Variants in RPGRIP1L observed in about 807,000 individuals in gnomAD.
RPGRIP1L encodes RPGRIP1 like, also known as protein fantom.
RPGRIP1L carries 131 observed loss-of-function variants against 160.4 expected under a neutral mutation model. The ratio of observed to expected loss-of-function variants is 0.82; its 90% CI spans 0.71 to 0.94. The LOEUF (loss-of-function observed/expected upper bound fraction) is 0.94. Ranked by LOEUF, RPGRIP1L falls within the 40% of genes least tolerant of loss-of-function variation. The probability of loss-of-function intolerance (pLI) is 0.00; values close to 1 mark genes in which losing one functional copy is unlikely to be tolerated. For synonymous variants in RPGRIP1L, 510 were observed against 515.8 expected, an observed-to-expected ratio of 0.99 and a Z score of 0.15; for missense variants, 1,522 against 1,535.8, an observed-to-expected ratio of 0.99 and a Z score of 0.15.
intron 22 of RPGRIP1L, among the ~76,000 whole-genome samples, chr16:53,632,875 C>T (rs1965607834): frequency 6.6e-6 from 1 of 152,172 alleles, no homozygotes; most frequent in Admixed American, 6.5e-5. Flanking sequence ...ACCCCTCATG[C>T]TGACTTAGGG....
At chr16:53,620,112 A>G (rs1964614766) in intron 23 of RPGRIP1L, among the ~76,000 whole-genome samples, 1 of 152,290 alleles carries the variant, frequency 6.6e-6, no homozygotes, top group Admixed American at 6.5e-5. Flanking sequence ...TAATAATTAG[A>G]AAAACCTGAA....
At chr16:53,631,584 T>C (rs1965522779) in intron 22 of RPGRIP1L, among the ~76,000 whole-genome samples, 1 of 152,226 alleles carries the variant, frequency 6.6e-6, no homozygotes, top group Non-Finnish European at 1.5e-5. Flanking sequence ...AATGTTCAGT[T>C]TTGATGTCTG....
intron 17 of RPGRIP1L, among the ~76,000 whole-genome samples, chr16:53,644,475 C>T (rs1460833262): frequency 6.6e-6 from 1 of 152,118 alleles, no homozygotes; most frequent in Non-Finnish European, 1.5e-5. Flanking sequence ...TTACACTACA[C>T]ACAGGAAGCT....
chr16:53,660,723 T>A (rs1967713478), intron 10 of RPGRIP1L, among the ~76,000 whole-genome samples: 1 of 150,166 alleles, frequency 6.7e-6, no homozygotes, highest in Non-Finnish European at 1.5e-5. Flanking sequence ...GTGAACCCCG[T>A]CTCTACTAAA....
chr16:53,618,027 C>T (rs548215026), intron 24 of RPGRIP1L, among the ~76,000 whole-genome samples: 28 of 152,234 alleles, frequency 1.8e-4, no homozygotes, highest in Non-Finnish European at 7.4e-5. Flanking sequence ...TCATGGTAGC[C>T]TGATATTATT....
At chr16:53,617,027 G>T (rs1396320181) in intron 24 of RPGRIP1L, among the ~76,000 whole-genome samples, 1 of 131,492 alleles carries the variant, frequency 7.6e-6, no homozygotes, top group Non-Finnish European at 1.5e-5. Context: ...AGCCAAGATT[G>T]TGCCACTGCA....
chr16:53,640,920 A>G (rs1210747019), intron 19 of RPGRIP1L, 113 bp downstream of exon 19: 4 of 793,944 alleles, frequency 5.0e-6, no homozygotes, highest in Non-Finnish European at 8.5e-6. Context: ...ATGGGAAAAG[A>G]CATACTTTAT....
chr16:53,679,014 G>A (rs1969412532), intron 6 of RPGRIP1L, among the ~76,000 whole-genome samples: 1 of 152,188 alleles, frequency 6.6e-6, no homozygotes, highest in Admixed American at 6.5e-5. Context: ...GCTGAGGAAA[G>A]TCTATTTGAA....
chr16:53,603,169 T>C (rs375601427), intron 26 of RPGRIP1L, among the ~76,000 whole-genome samples: 6 of 152,170 alleles, frequency 3.9e-5, no homozygotes, highest in Admixed American at 1.3e-4. Flanking sequence ...GCTGGAGCCA[T>C]GGGCATTCTC....
chr16:53,608,198 G>A (rs567161365), intron 25 of RPGRIP1L, among the ~76,000 whole-genome samples: 1 of 152,246 alleles, frequency 6.6e-6, no homozygotes, highest in Non-Finnish European at 1.5e-5. Flanking sequence ...CCCTTTGCCC[G>A]AAATGATCTT....
intron 10 of RPGRIP1L, chr16:53,659,374 T>C: frequency 5.5e-6 from 1 of 181,140 alleles, no homozygotes; most frequent in Non-Finnish European, 1.1e-5. Context: ...AAATTACCTG[T>C]TGGGTATAAT....
intron 24 of RPGRIP1L, among the ~76,000 whole-genome samples, chr16:53,616,837 T>G (rs1964402701): frequency 1.3e-5 from 2 of 151,862 alleles, no homozygotes; most frequent in African/African-American, 4.8e-5. Flanking sequence ...TTTGGGAGGC[T>G]GAGGCAGGTG....
intron 3 of RPGRIP1L, chr16:53,695,439 G>A: frequency 1.4e-6 from 1 of 702,946 alleles, no homozygotes; most frequent in Non-Finnish European, 2.6e-6. Context: ...TTCAATGGTT[G>A]TCTCACCTTT....
Position 53,645,940 on chromosome 16 carries a change from T to TG in RPGRIP1L, c.2367_2368insC (p.Asn790GlnfsTer2). ...CATCTTATTGTAATGTGAAGTTCAT[T>TG]TAAGTTGCCATCTGTGGAATCTGTA... is the stretch of plus-strand genomic sequence containing the variant. On this transcript the variant is annotated frameshift_variant, in exon 17 of 27. Transcript: ENST00000647211. LOFTEE classifies it high-confidence loss of function. The TG allele has an allele frequency of 5.6e-6, 9 of 1,614,108 alleles. No individual in the cohort carries two copies. The highest frequency in any genetic ancestry group is 6.8e-6 in the Non-Finnish European group (8 of 1,180,006).
chr16:53,645,694 G>C lies in RPGRIP1L; in HGVS notation c.2614C>G (p.Gln872Glu). The stretch of plus-strand genomic sequence containing the variant: ...ACTTTTCCTATGTAAATATTCTCCT[G>C]GGTATCACTATCATCAAAAACATAA... ...SFYVFDDSDT[Q>E]ENIYIGKVNV... Residue 872 changes from glutamine to glutamate, a missense_variant, in exon 17 of 27, where the codon CAG becomes GAG. Physicochemically the swap from Gln to Glu is conservative, Grantham distance 29. Coordinates refer to ENST00000647211, the MANE Select transcript of RPGRIP1L (RefSeq NM_015272.5). The C allele has an allele frequency of 6.2e-7, 1 of 1,613,868 alleles. No homozygotes were observed. Among genetic ancestry groups the C allele is most frequent in the Non-Finnish European group, 8.5e-7 (1 of 1,179,868 alleles).
chr16:53,624,889 C>CGA (rs1189330138), intron 22 of RPGRIP1L, among the ~76,000 whole-genome samples: 2 of 151,920 alleles, frequency 1.3e-5, no homozygotes, highest in East Asian at 3.9e-4. Context: ...CCTCAGCCTG[C>CGA]CGAGTGCCTG....
At chr16:53,686,662 A>G (rs1970040418) in intron 5 of RPGRIP1L, 86 bp from the exon 6 acceptor site, 1 of 1,404,280 alleles carries the variant, frequency 7.1e-7, no homozygotes, top group East Asian at 2.3e-5. Context: ...TTCTTCATGA[A>G]AAAGAGCAAG....
intron 23 of RPGRIP1L, among the ~76,000 whole-genome samples, chr16:53,621,610 T>C (rs1490530588): frequency 1.3e-5 from 2 of 152,166 alleles, no homozygotes; most frequent in African/African-American, 4.8e-5. Context: ...GCAGCTTTTA[T>C]CTAAGAAAGT....
Position 53,649,014 on chromosome 16 carries a change from C to A in RPGRIP1L, c.2254G>T (p.Ala752Ser), listed in dbSNP as rs1477004956. ...AAATTTGATGTTATATACCCCAAAG[C>A]CTTTGCCCTTTCTCGATAAAGTCGA... ...AIRLYRERAK[A>S]LGYITSNFKG... The change falls in exon 16 of 27, where the codon GCT (alanine) becomes TCT (serine). Residue 752 changes from alanine to serine, a missense_variant. Physicochemically the swap from Ala to Ser is moderately conservative, Grantham distance 99. Transcript: ENST00000647211. 1.9e-6 allele frequency: 3 copies of A among 1,614,046 alleles called. No individual in the cohort carries two copies. The highest frequency in any genetic ancestry group is 1.7e-5 in the Admixed American group (1 of 60,020).
Sources: allele counts gnomAD v4.1 joint callset (sites outside exome capture counted in the v4.1 genomes callset), GRCh38; gene constraint gnomAD v4.1.1; transcripts MANE v1.5; gene names NCBI Gene and HGNC (gene_info 2026-07-23, HGNC 2026-07-21).